Variants in GYG1 observed in about 807,000 individuals in gnomAD.
GYG1 encodes the protein glycogenin 1.
A neutral mutation model predicts 41.9 loss-of-function variants in GYG1; 44 were observed. The ratio of observed to expected loss-of-function variants is 1.05; its 90% CI spans 0.83 to 1.35. GYG1 has a LOEUF of 1.35. Ranked by LOEUF, GYG1 falls within the 40% of genes most tolerant of loss-of-function variation. The pLI is 0.00. For missense variants in GYG1, 429 were observed against 418.9 expected, an observed-to-expected ratio of 1.02 and a Z score of -0.21; for synonymous variants, 141 against 158.1, an observed-to-expected ratio of 0.89 and a Z score of 0.81.
chr3:149,008,614 G>A (rs898211710), intron 4 of GYG1, among the ~76,000 whole-genome samples: 3 of 152,156 alleles, frequency 2.0e-5, no homozygotes, highest in African/African-American at 7.2e-5. Flanking sequence ...GTAGTGCCAC[G>A]TACATTCCTT....
In GYG1 at chr3:148,994,195, G is replaced by A. The variant is rs1372925900; in HGVS notation, c.61G>A (p.Val21Ile). The A allele has an allele frequency of 3.7e-6, 6 of 1,613,822 alleles. No individual in the cohort carries two copies. Among genetic ancestry groups the A allele is most frequent in the Non-Finnish European group, 4.2e-6 (5 of 1,179,888 alleles). The change falls in exon 2 of 8, where the codon GTC (valine) becomes ATC (isoleucine). Residue 21 changes from valine (V) to isoleucine (I), a missense_variant. Coordinates refer to ENST00000345003, the MANE Select transcript of GYG1 (RefSeq NM_004130.4). ...TNDAYAKGAL[V>I]LGSSLKQHRT... Reference sequence around the variant, plus strand: ...CGATGCCTACGCCAAAGGTGCCCTGGTCCTGGGATCATCTCTGAAACAGCA... The same window carrying A: ...CGATGCCTACGCCAAAGGTGCCCTGATCCTGGGATCATCTCTGAAACAGCA...
At chr3:148,996,595 A>T in intron 3 of GYG1, 119 bp downstream of exon 3, 1 of 1,205,072 alleles carries the variant, frequency 8.3e-7, no homozygotes, top group Non-Finnish European at 1.2e-6. Flanking sequence ...AACCACTGTC[A>T]TGAAATATGT....
intron 6 of GYG1, among the ~76,000 whole-genome samples, chr3:149,025,054 A>C (rs1714580834): frequency 6.6e-6 from 1 of 152,228 alleles, no homozygotes; most frequent in Admixed American, 6.5e-5. Context: ...AATTTCACTT[A>C]CTAGCATTTA....
chr3:148,995,314 A>G (rs1712724525), intron 2 of GYG1, among the ~76,000 whole-genome samples: 1 of 152,076 alleles, frequency 6.6e-6, no homozygotes. Flanking sequence ...TGATGTGTTT[A>G]TTTTTCTGGT....
chr3:149,002,550 A>G (rs1286468870), intron 4 of GYG1, among the ~76,000 whole-genome samples: 1 of 152,196 alleles, frequency 6.6e-6, no homozygotes, highest in Non-Finnish European at 1.5e-5. Context: ...CTGGGGCCCA[A>G]GCTCCAAGTG....
At chr3:149,011,161 C>T (rs1413916372) in intron 5 of GYG1, among the ~76,000 whole-genome samples, 2 of 152,178 alleles carry the variant, frequency 1.3e-5, no homozygotes, top group Admixed American at 6.5e-5. Flanking sequence ...AAGCAGACAA[C>T]AGGATTCACT....
chr3:148,994,327 T>A (rs774761255), intron 2 of GYG1, 50 bp downstream of exon 2: 3 of 1,593,690 alleles, frequency 1.9e-6, no homozygotes, highest in Non-Finnish European at 2.6e-6. Flanking sequence ...GACATCCTTC[T>A]CCCTGTTGCT....
At chr3:148,991,718 C>T (rs1278759299) in intron 1 of GYG1, 71 bp downstream of exon 1, 10 of 1,208,528 alleles carry the variant, frequency 8.3e-6, no homozygotes, top group Admixed American at 2.1e-5. Flanking sequence ...CCTCCCTTCT[C>T]CTCCGCCCTC....
chr3:149,025,323 C>T (rs1416172684), intron 6 of GYG1, among the ~76,000 whole-genome samples: 1 of 152,150 alleles, frequency 6.6e-6, no homozygotes, highest in African/African-American at 2.4e-5. Flanking sequence ...GCACAGTTTA[C>T]AATAGAGTTC....
chr3:149,006,049 T>C lies in GYG1; in HGVS notation c.482-3227T>C, dbSNP rs113472246. Among the ~76,000 whole-genome samples the C allele has an allele frequency of 4.6e-3, 696 of 151,760 alleles. 4 individuals carry two copies. The highest frequency in any genetic ancestry group is 5.3e-3 in the Non-Finnish European group (359 of 67,970). On this transcript the variant is annotated intron_variant, in intron 4 of 7. Coordinates refer to ENST00000345003, the MANE Select transcript of GYG1 (RefSeq NM_004130.4). ...CTACCACCATAGTCAAGATGCAGAG[T>C]AGTTCCATCACAAGGACCCTTCATC...
intron 6 of GYG1, among the ~76,000 whole-genome samples, chr3:149,025,474 G>A (rs1714603797): frequency 6.6e-6 from 1 of 152,100 alleles, no homozygotes. Flanking sequence ...CGTGGCCTGG[G>A]GGTTGGGGAC....
In GYG1 at chr3:149,029,142, T is replaced by TAAAC. The variant is rs972473561; in HGVS notation, c.*2211_*2214dup. On this transcript the variant is annotated 3_prime_UTR_variant, in exon 8 of 8. Transcript: ENST00000345003. ...TTATTTGGCTAGAAAATCACTGAAC[T>TAAAC]AAACATTCTTTTCCTTCTATGATCT... 2.6e-5 allele frequency among the ~76,000 whole-genome samples: 4 copies of TAAAC among 152,238 alleles called. No individual in the cohort carries two copies. The highest frequency in any genetic ancestry group is 4.8e-5 in the African/African-American group (2 of 41,466).
Position 149,030,724 on chromosome 3 carries a change from G to C in GYG1, c.*3791G>C, listed in dbSNP as rs1430849098. 1 of 152,170 alleles carries C rather than the reference G, an allele frequency of 6.6e-6. No homozygotes were observed. The highest frequency in any genetic ancestry group is 6.5e-5 in the Admixed American group (1 of 15,276). The allele number at this position is 152,170 out of a possible 1,614,324, so 9.4% of individuals were successfully genotyped here. A position where few individuals can be genotyped will look rare whatever the true frequency, so the allele number is the denominator to read the frequency against. ...TATTCCACTATCATCCCTGCAGAAA[G>C]GTCTTGGTTTTGATGAAAATCAGCC... On this transcript the variant is annotated 3_prime_UTR_variant, in exon 8 of 8. Coordinates refer to ENST00000345003, the MANE Select transcript of GYG1 (RefSeq NM_004130.4).
chr3:149,024,402 A>G, intron 6 of GYG1, 130 bp downstream of exon 6: 1 of 696,898 alleles, frequency 1.4e-6, no homozygotes, highest in Non-Finnish European at 2.6e-6. Context: ...GAAAGAAAAC[A>G]ATAACCATCT....
chr3:149,016,110 A>T (rs1714012118), intron 5 of GYG1, among the ~76,000 whole-genome samples: 1 of 151,938 alleles, frequency 6.6e-6, no homozygotes, highest in African/African-American at 2.4e-5. Flanking sequence ...AATACAAAAA[A>T]ATTAGCTGGG....
chr3:149,026,834 G>C lies in GYG1; in HGVS notation c.954G>C (p.Ser318=). ...IPAMAQPFVS[S]EERKERWEQG... ...CTATGGCACAGCCGTTTGTATCCTC[G>C]GAAGAACGGAAGGAACGATGGGAAC... is the stretch of plus-strand genomic sequence containing the variant. The change falls in exon 8 of 8, where the codon TCG becomes TCC. Residue 318 remains serine (S), a synonymous_variant. Transcript: ENST00000345003. The C allele has an allele frequency of 6.2e-7, 1 of 1,613,886 alleles. No individual in the cohort carries two copies. The highest frequency in any genetic ancestry group is 8.5e-7 in the Non-Finnish European group (1 of 1,179,854).
intron 5 of GYG1, among the ~76,000 whole-genome samples, chr3:149,022,395 C>T (rs912453327): frequency 1.3e-5 from 2 of 151,974 alleles, no homozygotes; most frequent in African/African-American, 4.8e-5. Flanking sequence ...TTTGTCCCTT[C>T]CCAATCATAG....
chr3:149,020,975 C>T (rs963219970), intron 5 of GYG1, among the ~76,000 whole-genome samples: 5 of 152,186 alleles, frequency 3.3e-5, no homozygotes, highest in African/African-American at 7.2e-5. Flanking sequence ...CTTCCCTCCA[C>T]TCTGCAACAC....
At chr3:148,993,957 A>T (rs1712638558) in intron 1 of GYG1, among the ~76,000 whole-genome samples, 185 bp from the exon 2 acceptor site, 1 of 152,162 alleles carries the variant, frequency 6.6e-6, no homozygotes, top group African/African-American at 2.4e-5. Flanking sequence ...GCCTGCTATG[A>T]TCTTGAACCA....
Sources: gnomAD v4.1 joint callset for allele counts (sites outside exome capture counted in the v4.1 genomes callset) on GRCh38, gnomAD v4.1.1 for gene constraint, MANE v1.5 for transcripts, NCBI Gene and HGNC (gene_info 2026-07-23, HGNC 2026-07-21) for gene names.